PTPRS: variants seen among roughly 807,000 people sequenced by gnomAD.
PTPRS encodes the protein receptor-type tyrosine-protein phosphatase S.
PTPRS carries 63 observed loss-of-function variants against 215.3 expected under a neutral mutation model. The observed-to-expected ratio is 0.29, with a 90% CI of 0.24 to 0.36. The LOEUF (loss-of-function observed/expected upper bound fraction) is 0.36, where lower values mean the gene tolerates loss of function less well. PTPRS is among the 10% of genes least tolerant of loss of function. PTPRS has a pLI of 1.00. For synonymous variants in PTPRS, 1,404 were observed against 1,191.4 expected, an observed-to-expected ratio of 1.18 and a Z score of -3.68; for missense variants, 2,258 against 2,825.8, an observed-to-expected ratio of 0.80 and a Z score of 4.56.
At position 5,338,795 on chromosome 19, in the gene PTPRS, C is replaced by T. The variant is rs954956365; in HGVS notation, c.-95+1869G>A. ...TTAATAAACGCTCCAGCAGCTGCCG[C>T]TGGTATCGCAGGAGCAGAGGAGCGG... On this transcript the variant is annotated intron_variant, in intron 1 of 37. Transcript: ENST00000262963. This position sits in a 1 kb window ranked among gnomAD's most constrained non-coding sequence, Gnocchi z 4.2. Among the ~76,000 whole-genome samples the T allele has an allele frequency of 3.3e-5, 5 of 152,192 alleles. No individual in the cohort carries two copies. Among genetic ancestry groups the T allele is most frequent in the African/African-American group, 1.2e-4 (5 of 41,450 alleles).
intron 1 of PTPRS, among the ~76,000 whole-genome samples, chr19:5,321,269 T>A (rs1298427266): frequency 2.0e-5 from 3 of 152,048 alleles, no homozygotes; most frequent in African/African-American, 7.2e-5. Flanking sequence ...CAAGACCCTG[T>A]CTCAACAAAG....
At chr19:5,236,248 A>AGCC (rs1226196454) in intron 13 of PTPRS, among the ~76,000 whole-genome samples, 1 of 152,224 alleles carries the variant, frequency 6.6e-6, no homozygotes, top group African/African-American at 2.4e-5. Flanking sequence ...CCAGAAGTGC[A>AGCC]GCCCATTTTA....
intron 1 of PTPRS, among the ~76,000 whole-genome samples, chr19:5,337,649 C>T (rs955583342): frequency 2.0e-5 from 3 of 152,196 alleles, no homozygotes; most frequent in African/African-American, 7.2e-5. Context: ...TCTGGGGAAA[C>T]CCAGGCAGAG....
chr19:5,301,373 TG>T (rs2049299366), intron 1 of PTPRS, among the ~76,000 whole-genome samples: 1 of 150,770 alleles, frequency 6.6e-6, no homozygotes, highest in Non-Finnish European at 1.5e-5. Context: ...TGGAGTACAG[TG>T]GCACCATCTC....
At chr19:5,254,652 G>T (rs1436124999) in intron 9 of PTPRS, among the ~76,000 whole-genome samples, 1 of 152,192 alleles carries the variant, frequency 6.6e-6, no homozygotes, top group East Asian at 1.9e-4. Context: ...GAATTCCACA[G>T]CTCTGATGCT....
At chr19:5,291,185 G>C (rs1277766491) in intron 1 of PTPRS, among the ~76,000 whole-genome samples, 2 of 152,150 alleles carry the variant, frequency 1.3e-5, no homozygotes, top group African/African-American at 2.4e-5. Flanking sequence ...GGAGTGGATG[G>C]GTGGGGCAGA....
intron 1 of PTPRS, among the ~76,000 whole-genome samples, chr19:5,304,744 A>C (rs935117047): frequency 3.3e-5 from 5 of 152,100 alleles, no homozygotes; most frequent in Non-Finnish European, 7.4e-5. Context: ...GAAGGATGGG[A>C]GAAATTGCGC....
At chr19:5,234,943 CTT>C (rs113097365) in intron 13 of PTPRS, among the ~76,000 whole-genome samples, 6,318 of 137,748 alleles carry the variant, frequency 0.046, 442 homozygotes, top group African/African-American at 0.16. Context: ...TTCTTTCTTT[CTT>C]TTTTTTTTTT....
chr19:5,298,159 T>C (rs2147070899), intron 1 of PTPRS, among the ~76,000 whole-genome samples: 1 of 152,324 alleles, frequency 6.6e-6, no homozygotes, highest in Non-Finnish European at 1.5e-5. Flanking sequence ...GGATCACCAT[T>C]AGCAGACCAT....
At chr19:5,318,268 G>C (rs1275576108) in intron 1 of PTPRS, among the ~76,000 whole-genome samples, 1 of 151,966 alleles carries the variant, frequency 6.6e-6, no homozygotes, top group African/African-American at 2.4e-5. Flanking sequence ...TTGAACCCAG[G>C]AGGCGGAGGT....
At chr19:5,315,358 T>G (rs982817610) in intron 1 of PTPRS, among the ~76,000 whole-genome samples, 3 of 84,032 alleles carry the variant, frequency 3.6e-5, no homozygotes, top group Non-Finnish European at 4.6e-5. Flanking sequence ...AGGGTTTTTT[T>G]TTTTTTTTTT....
intron 2 of PTPRS, among the ~76,000 whole-genome samples, chr19:5,281,274 A>G (rs1245034493): frequency 5.3e-5 from 8 of 152,000 alleles, no homozygotes; most frequent in Non-Finnish European, 8.8e-5. Flanking sequence ...CAGCTTGAAC[A>G]ACATGGTGAA....
At chr19:5,309,382 C>CT (rs1215235508) in intron 1 of PTPRS, among the ~76,000 whole-genome samples, 1 of 152,230 alleles carries the variant, frequency 6.6e-6, no homozygotes, top group Non-Finnish European at 1.5e-5. Context: ...AGGCCACTCT[C>CT]TAAGTGCTTG....
rs755938901 is a variant in PTPRS, at chr19:5,221,052, C to T, written c.3403G>A (p.Asp1135Asn). 6.2e-7 allele frequency: 1 copy of T among 1,613,660 alleles called. No homozygotes were observed. The highest frequency in any genetic ancestry group is 8.5e-7 in the Non-Finnish European group (1 of 1,179,936). ...KPSVAPKPDA[D>N]GFIMVYLPDG... ...GGAAGATACACCATGATGAAGCCGT[C>T]AGCATCAGGCTTGGGGGCGACGCTG... The change falls in exon 20 of 38, where the codon GAC (aspartate) becomes AAC (asparagine). Residue 1135 changes from aspartate to asparagine, a missense_variant. Asp to Asn is a conservative substitution (Grantham distance 23, BLOSUM62 1). Around this residue, in one of 6 missense-constraint regions of PTPRS, gnomAD observed 927 missense variants for 1,125.9 expected, o/e 0.82. Coordinates refer to ENST00000262963, the MANE Select transcript of PTPRS (RefSeq NM_002850.4).
intron 37 of PTPRS, among the ~76,000 whole-genome samples, 198 bp downstream of exon 37, chr19:5,207,724 G>A (rs181102371): frequency 1.3e-5 from 2 of 152,308 alleles, no homozygotes; most frequent in East Asian, 1.9e-4. Flanking sequence ...GCCACTTCTC[G>A]CCTTTGACCT....
chr19:5,296,235 C>T (rs2049130369), intron 1 of PTPRS, among the ~76,000 whole-genome samples: 1 of 152,270 alleles, frequency 6.6e-6, no homozygotes, highest in South Asian at 2.1e-4. Context: ...GTGGTAAGGG[C>T]CCTGAGGATG....
chr19:5,294,533 T>C lies in PTPRS; in HGVS notation c.-94-8299A>G, dbSNP rs898194647. On this transcript the variant is annotated intron_variant, in intron 1 of 37. Coordinates refer to ENST00000262963, the MANE Select transcript of PTPRS (RefSeq NM_002850.4). The surrounding 1 kb of genome is among the most constrained non-coding windows in gnomAD (Gnocchi z 5.1). ...GTGGGGCAAAGGACGTGGGCTTTGA[T>C]GGGAGACACACAGGCGGCTGTGAGA... 6.6e-6 allele frequency: 1 copy of C among 152,210 alleles called. No homozygotes were observed. Among genetic ancestry groups the C allele is most frequent in the South Asian group, 2.1e-4 (1 of 4,838 alleles). The allele number at this position is 152,210 out of a possible 1,614,324, so 9.4% of individuals were successfully genotyped here. A position where few individuals can be genotyped will look rare whatever the true frequency, so the allele number is the denominator to read the frequency against.
Position 5,237,797 on chromosome 19 carries a change from A to C in PTPRS, c.1849+1122T>G, listed in dbSNP as rs1349434170. ...CGCGCCCAGACGCCTTGGAGCCGCCAGGTGCTCAGCTCGGCTTGGTTTGTG... is the reference window on the plus strand; with the variant it reads ...CGCGCCCAGACGCCTTGGAGCCGCCCGGTGCTCAGCTCGGCTTGGTTTGTG... On this transcript the variant is annotated intron_variant, in intron 13 of 37. Transcript: ENST00000262963. The surrounding 1 kb of genome is among the most constrained non-coding windows in gnomAD (Gnocchi z 4.2). Among the ~76,000 whole-genome samples the C allele has an allele frequency of 1.3e-5, 2 of 151,028 alleles. No homozygotes were observed. Among genetic ancestry groups the C allele is most frequent in the Non-Finnish European group, 1.5e-5 (1 of 67,812 alleles).
intron 20 of PTPRS, 97 bp from the exon 21 acceptor site, chr19:5,220,450 TC>T: frequency 1.0e-6 from 1 of 1,003,354 alleles, no homozygotes; most frequent in Admixed American, 2.0e-5. Context: ...CTCTGAGTCT[TC>T]CCTTCTGTTC....
Sources: gnomAD v4.1 joint callset for allele counts (sites outside exome capture counted in the v4.1 genomes callset) on GRCh38, gnomAD v4.1.1 for gene constraint, gnomAD v4.1.1 regional missense constraint, Gnocchi (gnomAD v3.1) non-coding constraint, MANE v1.5 for transcripts, NCBI Gene and HGNC (gene_info 2026-07-23, HGNC 2026-07-21) for gene names.